PECAM1: variants seen among roughly 807,000 people sequenced by gnomAD.
PECAM1 encodes platelet and endothelial cell adhesion molecule 1.
PECAM1 carries 8 observed loss-of-function variants against 13.8 expected under a neutral mutation model. The observed-to-expected ratio is 0.58, with a 90% CI of 0.34 to 1.05. The LOEUF is 1.05. Ranked by LOEUF, PECAM1 falls within the 50% of genes least tolerant of loss-of-function variation. The pLI is 0.03. For missense variants in PECAM1, 304 were observed against 141.2 expected (o/e 2.15, Z -5.84); for synonymous variants, 136 against 52.6 (o/e 2.58, Z -6.86).
At chr17:64,384,732 AC>A (rs2036556862) in intron 2 of PECAM1, among the ~76,000 whole-genome samples, 15 of 152,326 alleles carry the variant, frequency 9.8e-5, no homozygotes, top group African/African-American at 3.6e-4. Flanking sequence ...TGCCAGCACC[AC>A]CCAACTCAGC....
chr17:64,325,444 A>G (rs943402185), intron 15 of PECAM1, among the ~76,000 whole-genome samples: 20 of 148,144 alleles, frequency 1.4e-4, no homozygotes, highest in Non-Finnish European at 2.6e-4. Flanking sequence ...AATTAAAAAA[A>G]AGGATTCCTG....
chr17:64,387,572 C>T (rs1327181960), intron 2 of PECAM1, among the ~76,000 whole-genome samples: 7 of 151,912 alleles, frequency 4.6e-5, no homozygotes, highest in Non-Finnish European at 8.8e-5. Context: ...GGCGTGGGGT[C>T]CTGGGGGTGA....
chr17:64,320,621 A>C lies in PECAM1; in HGVS notation c.*3195T>G, dbSNP rs1448371576. ...AATTTTCCACCATGACGCTTGTCAC[A>C]CTGCTTTGTAATTGGCTCTCTGTTA... On this transcript the variant is annotated 3_prime_UTR_variant, in exon 16 of 16. Transcript: ENST00000563924. 1.3e-5 allele frequency: 2 copies of C among 152,172 alleles called. No homozygotes were observed. The highest frequency in any genetic ancestry group is 4.8e-5 in the African/African-American group (2 of 41,374). The allele number at this position is 152,172 out of a possible 1,614,324, so 9.4% of individuals were successfully genotyped here.
rs143016740 is a variant in PECAM1, at chr17:64,331,346, C to T, written c.2165-1624G>A. 3.4e-3 allele frequency among the ~76,000 whole-genome samples: 519 copies of T among 152,234 alleles called. 1 individual carries two copies. Among genetic ancestry groups the T allele is most frequent in the African/African-American group, 0.012 (501 of 41,544 alleles). ...GATTACAGATGCCCACCACAATAGC[C>T]GGGTAATTTTTGTATTTTTAGTAGA... On this transcript the variant is annotated intron_variant, in intron 14 of 15. Coordinates refer to ENST00000563924, the MANE Select transcript of PECAM1 (RefSeq NM_000442.5).
chr17:64,371,208 C>A (rs1252566022), intron 4 of PECAM1, among the ~76,000 whole-genome samples: 1 of 151,950 alleles, frequency 6.6e-6, no homozygotes, highest in African/African-American at 2.4e-5. Flanking sequence ...ATGCAGAAGA[C>A]CTTTAAGTAT....
chr17:64,327,326 A>G (rs1326434214), intron 15 of PECAM1, among the ~76,000 whole-genome samples: 7 of 152,344 alleles, frequency 4.6e-5, no homozygotes, highest in African/African-American at 1.7e-4. Context: ...GCAGTTGCTC[A>G]TTTCATCCTT....
At chr17:64,365,487 G>A (rs2036082262) in intron 5 of PECAM1, among the ~76,000 whole-genome samples, 1 of 151,032 alleles carries the variant, frequency 6.6e-6, no homozygotes, top group Non-Finnish European at 1.5e-5. Context: ...AAGTTCATAT[G>A]GAACCAAAAA....
chr17:64,360,531 A>G (rs1477810836), intron 6 of PECAM1, 116 bp from the exon 7 acceptor site: 4 of 402,728 alleles, frequency 9.9e-6, no homozygotes, highest in Non-Finnish European at 1.8e-5. Flanking sequence ...TGTAATTTCA[A>G]ATGCCTGCCT....
At chr17:64,389,329 C>A (rs1598063511) in intron 2 of PECAM1, among the ~76,000 whole-genome samples, 1 of 152,188 alleles carries the variant, frequency 6.6e-6, no homozygotes, top group African/African-American at 2.4e-5. Context: ...CACTACTGAG[C>A]CCCCTCATTC....
At position 64,321,359 on chromosome 17, in the gene PECAM1, G is replaced by A. The variant is rs71377739; in HGVS notation, c.*2457C>T. On this transcript the variant is annotated 3_prime_UTR_variant, in exon 16 of 16. Transcript: ENST00000563924. ...GAGGAAGGCTAAAGCCAGCGTCCTGGATTCAGACAGACCTTTTAGCCATTA... is the reference window on the plus strand; with the variant it reads ...GAGGAAGGCTAAAGCCAGCGTCCTGAATTCAGACAGACCTTTTAGCCATTA... 0.095 allele frequency: 85,358 copies of A among 899,004 alleles called. 4,372 individuals carry two copies. The highest frequency in any genetic ancestry group is 0.1 in the Non-Finnish European group (78,461 of 750,950). 55.7% of individuals were successfully genotyped at this position (899,004 alleles called of 1,614,324 possible). A position where few individuals can be genotyped will look rare whatever the true frequency, so the allele number is the denominator to read the frequency against.
intron 14 of PECAM1, among the ~76,000 whole-genome samples, chr17:64,337,360 G>A (rs2143714182): frequency 6.6e-6 from 1 of 152,272 alleles, no homozygotes; most frequent in Admixed American, 6.5e-5. Context: ...GTAGTACCCT[G>A]GGCAAGACAC....
chr17:64,329,569 G>C, intron 15 of PECAM1, 131 bp downstream of exon 15: 1 of 674,638 alleles, frequency 1.5e-6, no homozygotes, highest in Non-Finnish European at 2.8e-6. Context: ...GAGAAGCCCA[G>C]GGCTTCTGGT....
intron 4 of PECAM1, among the ~76,000 whole-genome samples, chr17:64,372,160 G>T (rs1178388881): frequency 5.9e-5 from 9 of 152,040 alleles, no homozygotes; most frequent in African/African-American, 2.2e-4. Context: ...TGCAATCCTA[G>T]CACTTTGGGA....
At chr17:64,353,049 T>C (rs1221504419) in intron 10 of PECAM1, among the ~76,000 whole-genome samples, 1 of 152,104 alleles carries the variant, frequency 6.6e-6, no homozygotes, top group African/African-American at 2.4e-5. Flanking sequence ...GAAATTCTTA[T>C]CCCACGCTAC....
At chr17:64,368,351 G>A (rs2036159119) in intron 5 of PECAM1, among the ~76,000 whole-genome samples, 1 of 152,130 alleles carries the variant, frequency 6.6e-6, no homozygotes, top group South Asian at 2.1e-4. Context: ...AATAAAGCCA[G>A]GTAAGGAGGG....
At chr17:64,345,549 C>T (rs990419901) in intron 13 of PECAM1, among the ~76,000 whole-genome samples, 1 of 151,754 alleles carries the variant, frequency 6.6e-6, no homozygotes, top group African/African-American at 2.4e-5. Flanking sequence ...CCTGTCTCTA[C>T]TAAAAATACA....
intron 5 of PECAM1, among the ~76,000 whole-genome samples, 180 bp from the exon 6 acceptor site, chr17:64,363,577 C>T (rs1437984959): frequency 6.6e-6 from 1 of 152,172 alleles, no homozygotes; most frequent in African/African-American, 2.4e-5. Context: ...AGGGTTCATT[C>T]TTTGCCTAGG....
intron 7 of PECAM1, among the ~76,000 whole-genome samples, chr17:64,356,664 G>T (rs1184293858): frequency 4.6e-5 from 7 of 151,924 alleles, no homozygotes; most frequent in African/African-American, 1.7e-4. Flanking sequence ...TTTTGTTGTT[G>T]TTGTTGTTTT....
At chr17:64,348,190 C>A in intron 13 of PECAM1, 70 bp downstream of exon 13, 2 of 469,008 alleles carry the variant, frequency 4.3e-6, no homozygotes, top group Admixed American at 3.3e-5. Flanking sequence ...GAACACAGCA[C>A]CCCCGCCACC....
Sources: allele counts gnomAD v4.1 joint callset (sites outside exome capture counted in the v4.1 genomes callset), GRCh38; gene constraint gnomAD v4.1.1; transcripts MANE v1.5; gene names NCBI Gene and HGNC (gene_info 2026-07-23, HGNC 2026-07-21).